CNTNAP2: variants seen among roughly 807,000 people sequenced by gnomAD.
The protein encoded by CNTNAP2 is contactin associated protein 2.
CNTNAP2 carries 98 observed loss-of-function variants against 155.2 expected under a neutral mutation model. The ratio of observed to expected loss-of-function variants is 0.63; its 90% CI spans 0.54 to 0.75. The LOEUF is 0.75. Among genes scored for constraint, CNTNAP2 ranks in the 30% least tolerant of loss-of-function variants. CNTNAP2 has a pLI of 0.00. For synonymous variants in CNTNAP2, 651 were observed against 631.2 expected, an observed-to-expected ratio of 1.03 and a Z score of -0.47; for missense variants, 1,727 against 1,688.1, an observed-to-expected ratio of 1.02 and a Z score of -0.40.
intron 1 of CNTNAP2, among the ~76,000 whole-genome samples, chr7:146,246,713 T>C (rs1375495783): frequency 1.3e-5 from 2 of 152,096 alleles, no homozygotes; most frequent in African/African-American, 4.8e-5. Flanking sequence ...CCAGGGGCTC[T>C]GGGAGTGGCT....
chr7:147,335,325 A>AT (rs1266248071), intron 9 of CNTNAP2, among the ~76,000 whole-genome samples: 1 of 152,090 alleles, frequency 6.6e-6, no homozygotes. Flanking sequence ...TGTTTTTCTC[A>AT]TTTTTGCTGC....
At chr7:146,224,430 TTA>T (rs1491097784) in intron 1 of CNTNAP2, among the ~76,000 whole-genome samples, 3 of 67,274 alleles carry the variant, frequency 4.5e-5, no homozygotes. Flanking sequence ...ACACAGTGGT[TTA>T]AAAAAAAAAA....
intron 1 of CNTNAP2, among the ~76,000 whole-genome samples, chr7:146,754,012 A>T (rs1360701767): frequency 6.6e-6 from 1 of 152,056 alleles, no homozygotes; most frequent in African/African-American, 2.4e-5. Flanking sequence ...ATGTAGATAC[A>T]TTCTTAGCAG....
rs757136036 is a variant in CNTNAP2 at position 146,288,793 on chromosome 7, A to ATTTTT, written c.97+171845_97+171849dup. On this transcript the variant is annotated intron_variant, in intron 1 of 23. Coordinates refer to ENST00000361727, the MANE Select transcript of CNTNAP2 (RefSeq NM_014141.6). Reference sequence around the variant, plus strand: ...GGCAAAGGGTAGAGTAAAATTAGTAATTTTTTTTTTTTTTTTTTTTTTTTT... The same window carrying ATTTTT: ...GGCAAAGGGTAGAGTAAAATTAGTAATTTTTTTTTTTTTTTTTTTTTTTTTTTTTT... Among the ~76,000 whole-genome samples the ATTTTT allele has an allele frequency of 5.2e-4, 52 of 100,042 alleles. 2 individuals carry two copies. Among genetic ancestry groups the ATTTTT allele is most frequent in the African/African-American group, 2.5e-3 (46 of 18,520 alleles). The allele number at this position is 100,042 out of a possible 152,430, so 65.6% of individuals were successfully genotyped here.
At chr7:146,730,906 A>G (rs757191413) in intron 1 of CNTNAP2, among the ~76,000 whole-genome samples, 1 of 152,184 alleles carries the variant, frequency 6.6e-6, no homozygotes, top group Non-Finnish European at 1.5e-5. Context: ...TTTTATATGA[A>G]TGCAACATCA....
intron 13 of CNTNAP2, among the ~76,000 whole-genome samples, chr7:147,719,438 C>T (rs898121095): frequency 6.6e-6 from 1 of 152,006 alleles, no homozygotes; most frequent in Non-Finnish European, 1.5e-5. Context: ...TATATTCTTA[C>T]ATAACAATCT....
chr7:147,164,248 A>G (rs1802079078), intron 8 of CNTNAP2, among the ~76,000 whole-genome samples: 1 of 152,186 alleles, frequency 6.6e-6, no homozygotes, highest in Admixed American at 6.5e-5. Context: ...ATTTACTAGG[A>G]CTGAGTTTAT....
intron 1 of CNTNAP2, chr7:146,208,806 T>C (rs2116880008): frequency 6.6e-6 from 1 of 152,192 alleles, no homozygotes; most frequent in East Asian, 1.9e-4. Context: ...TTTCTTAATA[T>C]ACAGGAATTT....
intron 15 of CNTNAP2, among the ~76,000 whole-genome samples, chr7:148,018,109 T>A (rs904144961): frequency 6.6e-6 from 1 of 152,214 alleles, no homozygotes; most frequent in Non-Finnish European, 1.5e-5. Context: ...CCCTAGAAAC[T>A]GTTTTTCATC....
At chr7:146,343,593 T>G (rs1794766804) in intron 1 of CNTNAP2, among the ~76,000 whole-genome samples, 1 of 152,136 alleles carries the variant, frequency 6.6e-6, no homozygotes, top group Non-Finnish European at 1.5e-5. Flanking sequence ...CAGTAATACT[T>G]GAAACATTTA....
intron 3 of CNTNAP2, among the ~76,000 whole-genome samples, chr7:146,969,194 G>A (rs1797726619): frequency 6.6e-6 from 1 of 152,090 alleles, no homozygotes; most frequent in African/African-American, 2.4e-5. Flanking sequence ...TATAATGTCT[G>A]ATCTTTTACA....
intron 1 of CNTNAP2, among the ~76,000 whole-genome samples, chr7:146,426,685 G>A (rs1639432): frequency 0.54 from 80,317 of 149,672 alleles, 25,219 homozygotes; most frequent in African/African-American, 0.88. Flanking sequence ...AATGCTAGTT[G>A]CCAGAGGCTG....
chr7:146,703,533 C>G (rs908905330), intron 1 of CNTNAP2, among the ~76,000 whole-genome samples: 1 of 152,052 alleles, frequency 6.6e-6, no homozygotes, highest in Admixed American at 6.6e-5. Context: ...ATATCATAAA[C>G]TGGGTGGCTT....
At chr7:146,659,864 G>T (rs1800057736) in intron 1 of CNTNAP2, among the ~76,000 whole-genome samples, 1 of 152,172 alleles carries the variant, frequency 6.6e-6, no homozygotes, top group Non-Finnish European at 1.5e-5. Flanking sequence ...CCATAGTGGG[G>T]AGGGAAAAGT....
intron 21 of CNTNAP2, among the ~76,000 whole-genome samples, chr7:148,375,301 TATAA>T: frequency 6.8e-6 from 1 of 148,038 alleles, no homozygotes; most frequent in East Asian, 1.9e-4. Context: ...TATATAAATA[TATAA>T]ACTATAAATA....
At chr7:147,114,722 C>T (rs1189332040) in intron 5 of CNTNAP2, among the ~76,000 whole-genome samples, 2 of 152,096 alleles carry the variant, frequency 1.3e-5, no homozygotes, top group East Asian at 3.9e-4. Flanking sequence ...TGAGATGGGT[C>T]TCTTGAAGAC....
intron 21 of CNTNAP2, among the ~76,000 whole-genome samples, chr7:148,295,961 C>T (rs973626140): frequency 3.3e-5 from 5 of 152,180 alleles, no homozygotes; most frequent in Admixed American, 6.6e-5. Flanking sequence ...GGAAAACCCA[C>T]TGTGACATAT....
intron 21 of CNTNAP2, among the ~76,000 whole-genome samples, chr7:148,304,144 G>A (rs1407673283): frequency 1.3e-5 from 2 of 152,082 alleles, no homozygotes; most frequent in Non-Finnish European, 2.9e-5. Flanking sequence ...AAATAAAAAA[G>A]CCAAAAGAGA....
chr7:146,271,837 C>G (rs529145208), intron 1 of CNTNAP2, among the ~76,000 whole-genome samples: 1 of 152,094 alleles, frequency 6.6e-6, no homozygotes, highest in African/African-American at 2.4e-5. Context: ...TAAACTATTG[C>G]TACAACTTGG....
Sources: allele counts gnomAD v4.1 joint callset (sites outside exome capture counted in the v4.1 genomes callset), GRCh38; gene constraint gnomAD v4.1.1; transcripts MANE v1.5; gene names NCBI Gene and HGNC (gene_info 2026-07-23, HGNC 2026-07-21).